The following FGD2 variants were observed in gnomAD, a reference collection of about 807,000 sequenced individuals.
The protein encoded by FGD2 is FYVE, RhoGEF and PH domain containing 2, also known as FYVE, RhoGEF and PH domain-containing protein 2.
FGD2 carries 52 observed loss-of-function variants against 75.9 expected under a neutral mutation model. The ratio of observed to expected loss-of-function variants is 0.69; its 90% CI spans 0.55 to 0.86. The LOEUF is 0.86. Among genes scored for constraint, FGD2 ranks in the 40% least tolerant of loss-of-function variants. FGD2 has a pLI of 0.00. For synonymous variants in FGD2, 347 were observed against 348.6 expected, an observed-to-expected ratio of 1.00 and a Z score of 0.05; for missense variants, 790 against 872.0, an observed-to-expected ratio of 0.91 and a Z score of 1.18.
intron 14 of FGD2, among the ~76,000 whole-genome samples, chr6:37,026,569 A>G (rs899053134): frequency 3.3e-5 from 5 of 152,088 alleles, no homozygotes; most frequent in Non-Finnish European, 5.9e-5. Context: ...CAGCACAAAT[A>G]CAATGTCAAC....
At chr6:37,012,449 T>C (rs1038593827) in intron 4 of FGD2, among the ~76,000 whole-genome samples, 1 of 152,110 alleles carries the variant, frequency 6.6e-6, no homozygotes, top group Admixed American at 6.5e-5. Flanking sequence ...CGGTGGCTCA[T>C]GCCTGTAATC....
rs2150781331 is a variant in FGD2 at position 37,021,602 on chromosome 6, G to C, written c.1324G>C (p.Glu442Gln). Residue 442 changes from glutamate (E) to glutamine (Q), a missense_variant and splice_region_variant, in exon 12 of 16, where the codon GAG (glutamate) becomes CAG (glutamine). Coordinates refer to ENST00000274963, the MANE Select transcript of FGD2 (RefSeq NM_173558.4). ...QGPEGDIQEQ[E>Q]LQSEELGLRA... ...GCCTGAGGGAGACATCCAGGAGCAG[G>C]AGGTAAATGAAGGCTTTTTCATCCC... The C allele has an allele frequency of 6.2e-7, 1 of 1,613,580 alleles. No individual in the cohort carries two copies. Among genetic ancestry groups the C allele is most frequent in the East Asian group, 2.2e-5 (1 of 44,882 alleles).
At chr6:37,012,402 A>C (rs1042105964) in intron 4 of FGD2, among the ~76,000 whole-genome samples, 4 of 152,058 alleles carry the variant, frequency 2.6e-5, no homozygotes, top group African/African-American at 9.7e-5. Flanking sequence ...ATTTATAATA[A>C]ACTGTTGTTT....
intron 12 of FGD2, 117 bp downstream of exon 12, chr6:37,021,721 C>A: frequency 1.1e-6 from 1 of 946,734 alleles, no homozygotes; most frequent in Non-Finnish European, 1.6e-6. Context: ...CCAGGAGAGA[C>A]TGAAGGGACC....
intron 14 of FGD2, chr6:37,026,470 A>T: frequency 1.1e-6 from 1 of 952,298 alleles, no homozygotes; most frequent in African/African-American, 1.8e-5. Flanking sequence ...TCAGTCACAG[A>T]TGTTCTTTCT....
Position 37,028,037 on chromosome 6 carries a change from G to A in FGD2, c.1842G>A (p.Gln614=), listed in dbSNP as rs754103065. 4.3e-6 allele frequency: 7 copies of A among 1,614,044 alleles called. No homozygotes were observed. The highest frequency in any genetic ancestry group is 5.9e-6 in the Non-Finnish European group (7 of 1,180,028). The change falls in exon 16 of 16, where the codon CAG becomes CAA. Residue 614 remains glutamine, a synonymous_variant. Coordinates refer to ENST00000274963, the MANE Select transcript of FGD2 (RefSeq NM_173558.4). ...QGDPRVFQLQ[Q]SGQLYTFKAE... is the part of the protein sequence containing the mutation. ...ACCCTCGGGTCTTCCAGCTACAGCA[G>A]TCAGGCCAGCTCTACACCTTCAAGG...
At chr6:37,022,676 C>A in intron 13 of FGD2, 1 of 323,150 alleles carries the variant, frequency 3.1e-6, no homozygotes, top group Non-Finnish European at 5.7e-6. Flanking sequence ...CCACCTGCCC[C>A]ACCTTGGCTT....
chr6:37,011,492 C>T (rs1765002212), intron 3 of FGD2: 2 of 630,094 alleles, frequency 3.2e-6, no homozygotes, highest in Non-Finnish European at 2.7e-6. Context: ...CAGCCTTTGG[C>T]CAAGTCCCTG....
intron 1 of FGD2, among the ~76,000 whole-genome samples, chr6:37,007,434 G>A (rs1318482639): frequency 6.6e-6 from 1 of 152,198 alleles, no homozygotes; most frequent in East Asian, 1.9e-4. Flanking sequence ...TTGGGTGTGG[G>A]TGGATGGTAC....
intron 14 of FGD2, chr6:37,026,326 G>C: frequency 1.0e-6 from 1 of 985,418 alleles, no homozygotes; most frequent in South Asian, 4.7e-5. Context: ...GACGCTCCAG[G>C]TCAGACAGAT....
intron 1 of FGD2, among the ~76,000 whole-genome samples, chr6:37,007,181 T>C (rs79276891): frequency 0.056 from 8,593 of 152,206 alleles, 275 homozygotes; most frequent in Middle Eastern, 0.11. Context: ...ATCGAATAAC[T>C]ATGATGCAAG....
intron 13 of FGD2, chr6:37,022,908 A>AT (rs1765661131): frequency 6.4e-6 from 1 of 155,396 alleles, no homozygotes; most frequent in South Asian, 2.0e-4. Context: ...GCTGTTTCCC[A>AT]TTTTTTAGAT....
At chr6:37,014,258 A>G (rs1765167408) in intron 6 of FGD2, 158 bp downstream of exon 6, 2 of 895,304 alleles carry the variant, frequency 2.2e-6, no homozygotes, top group South Asian at 3.5e-5. Flanking sequence ...CATTTTTCAC[A>G]GATGAGGACA....
In FGD2 at chr6:37,011,362, C is replaced by A. The variant is rs1477010340; in HGVS notation, c.378+312C>A. 30 of 552,782 alleles carry A rather than the reference C, an allele frequency of 5.4e-5. No homozygotes were observed. In the East Asian group the frequency reaches 9.0e-4, roughly 17 times the overall value. 34.2% of individuals were successfully genotyped at this position (552,782 alleles called of 1,614,324 possible). A position where few individuals can be genotyped will look rare whatever the true frequency, so the allele number is the denominator to read the frequency against. On this transcript the variant is annotated intron_variant, in intron 3 of 15. Coordinates refer to ENST00000274963, the MANE Select transcript of FGD2 (RefSeq NM_173558.4). Reference sequence around the variant, plus strand: ...TGCCCACAACCTCACAACGATCTTACCTTTCATAGTTTTTCAGGAGCCCTA... The same window carrying A: ...TGCCCACAACCTCACAACGATCTTAACTTTCATAGTTTTTCAGGAGCCCTA...
rs1407772965 is a variant in FGD2 at position 37,029,002 on chromosome 6, G to T, written c.*839G>T. 7 of 151,890 alleles carry T rather than the reference G, an allele frequency of 4.6e-5. No homozygotes were observed. Among genetic ancestry groups the T allele is most frequent in the Non-Finnish European group, 8.8e-5 (6 of 67,966 alleles). The allele number at this position is 151,890 out of a possible 1,614,324, so 9.4% of individuals were successfully genotyped here. ...AAGAGAGCAAACTACCACAACCAATGGTTGAGCCCCTGTCAAGTGCCAGTC... is the reference window on the plus strand; with the variant it reads ...AAGAGAGCAAACTACCACAACCAATTGTTGAGCCCCTGTCAAGTGCCAGTC... On this transcript the variant is annotated 3_prime_UTR_variant, in exon 16 of 16. Transcript: ENST00000274963.
chr6:37,023,579 C>T (rs1765687375), intron 13 of FGD2: 1 of 152,262 alleles, frequency 6.6e-6, no homozygotes. Flanking sequence ...CAACCTCAGT[C>T]TTTGATGACC....
At chr6:37,022,536 G>A in intron 13 of FGD2, 166 bp downstream of exon 13, 1 of 939,352 alleles carries the variant, frequency 1.1e-6, no homozygotes, top group South Asian at 2.1e-5. Context: ...TCCCTCCGAG[G>A]CCTCCACCTG....
In FGD2 at chr6:37,011,872, C is replaced by T. The variant is rs755071666; in HGVS notation, c.527+18C>T. ...GACGACTGGTGAGGTCCACCAGGAG[C>T]CCCTGAGGCCTCAGACCACAGCCCT... is the stretch of plus-strand genomic sequence containing the variant. On this transcript the variant is annotated intron_variant, in intron 4 of 15. Coordinates refer to ENST00000274963, the MANE Select transcript of FGD2 (RefSeq NM_173558.4). 15 of 1,611,758 alleles carry T rather than the reference C, an allele frequency of 9.3e-6. No homozygotes were observed. The highest frequency in any genetic ancestry group is 1.3e-5 in the Non-Finnish European group (15 of 1,179,014).
intron 14 of FGD2, among the ~76,000 whole-genome samples, chr6:37,026,813 C>G (rs758354546): frequency 4.6e-5 from 7 of 150,636 alleles, no homozygotes; most frequent in Non-Finnish European, 1.0e-4. Flanking sequence ...CAGCCTGGCC[C>G]ACATGGTGAA....
Sources: gnomAD v4.1 joint callset for allele counts (sites outside exome capture counted in the v4.1 genomes callset) on GRCh38, gnomAD v4.1.1 for gene constraint, MANE v1.5 for transcripts, NCBI Gene and HGNC (gene_info 2026-07-23, HGNC 2026-07-21) for gene names.